The following PLXDC2 variants were observed in gnomAD, a reference collection of about 807,000 sequenced individuals.
PLXDC2 encodes plexin domain containing 2, also known as plexin domain-containing protein 2.
PLXDC2 carries 40 observed loss-of-function variants against 68.9 expected under a neutral mutation model. The observed-to-expected ratio is 0.58, with a 90% CI of 0.45 to 0.76. The LOEUF is 0.76. Among genes scored for constraint, PLXDC2 ranks in the 30% least tolerant of loss-of-function variants. PLXDC2 has a pLI of 0.00. For synonymous variants in PLXDC2, 243 were observed against 234.2 expected, an observed-to-expected ratio of 1.04 and a Z score of -0.34; for missense variants, 644 against 661.9, an observed-to-expected ratio of 0.97 and a Z score of 0.30.
At chr10:20,121,987 G>A (rs1044340782) in intron 4 of PLXDC2, among the ~76,000 whole-genome samples, 18 of 152,008 alleles carry the variant, frequency 1.2e-4, no homozygotes, top group Admixed American at 4.6e-4. Context: ...GGAGGGAGTA[G>A]AGGTATCTTA....
At chr10:20,144,773 T>C (rs1370566634) in intron 5 of PLXDC2, among the ~76,000 whole-genome samples, 1 of 152,188 alleles carries the variant, frequency 6.6e-6, no homozygotes, top group African/African-American at 2.4e-5. Context: ...CTGACTATTT[T>C]CCAAACTCCG....
chr10:20,217,642 A>G, intron 11 of PLXDC2, 66 bp downstream of exon 11: 3 of 1,454,868 alleles, frequency 2.1e-6, no homozygotes, highest in Non-Finnish European at 2.7e-6. Flanking sequence ...GGAAGGAAAA[A>G]TCACTGTGTT....
At chr10:19,985,384 T>A (rs17687627) in intron 1 of PLXDC2, among the ~76,000 whole-genome samples, 8,023 of 152,354 alleles carry the variant, frequency 0.053, 275 homozygotes, top group Middle Eastern at 0.092. Context: ...ATGCAGGAAG[T>A]TTAAATCCAC....
At chr10:20,044,207 C>CCTT in intron 2 of PLXDC2, among the ~76,000 whole-genome samples, 1 of 90,002 alleles carries the variant, frequency 1.1e-5, no homozygotes, top group South Asian at 4.6e-4. Flanking sequence ...CTCTCTCTCT[C>CCTT]TCTGTCTTTC....
At chr10:19,861,710 G>A (rs1326242) in intron 1 of PLXDC2, among the ~76,000 whole-genome samples, 98,675 of 152,042 alleles carry the variant, frequency 0.65, 33,614 homozygotes, top group African/African-American at 0.87. Context: ...CAAATGTCCA[G>A]TCTTTTTGAC....
intron 4 of PLXDC2, among the ~76,000 whole-genome samples, chr10:20,092,092 A>G (rs7474686): frequency 0.19 from 28,797 of 152,184 alleles, 3,323 homozygotes; most frequent in East Asian, 0.29. Context: ...GGAACTGAAC[A>G]TATGGACAAT....
intron 11 of PLXDC2, 145 bp from the exon 12 acceptor site, chr10:20,218,919 A>G (rs1835174779): frequency 2.4e-6 from 2 of 827,360 alleles, no homozygotes; most frequent in African/African-American, 3.6e-5. Context: ...ACTTGCTCTC[A>G]TTGCACTAGA....
intron 2 of PLXDC2, among the ~76,000 whole-genome samples, chr10:20,020,178 A>ATTTTTTTTTTTTTTTTTTTTTTTTTTTT (rs71388889): frequency 1.9e-5 from 2 of 107,354 alleles, no homozygotes; most frequent in African/African-American, 8.3e-5. Flanking sequence ...CACCCAGCAA[A>ATTTTTTTTTTTTTTTTTTTTTTTTTTTT]TTTTTTTTTT....
At chr10:20,144,856 G>A (rs1262342140) in intron 5 of PLXDC2, among the ~76,000 whole-genome samples, 2 of 152,104 alleles carry the variant, frequency 1.3e-5, no homozygotes, top group Non-Finnish European at 2.9e-5. Context: ...TTATACTGTT[G>A]CTATCAAAAT....
At chr10:19,902,790 G>C (rs1838180815) in intron 1 of PLXDC2, among the ~76,000 whole-genome samples, 1 of 152,118 alleles carries the variant, frequency 6.6e-6, no homozygotes, top group Non-Finnish European at 1.5e-5. Context: ...ACTTTTCCCT[G>C]TTCAGTACAA....
At chr10:19,855,030 T>G (rs1837187460) in intron 1 of PLXDC2, among the ~76,000 whole-genome samples, 1 of 152,236 alleles carries the variant, frequency 6.6e-6, no homozygotes, top group South Asian at 2.1e-4. Context: ...TAGATTCAAC[T>G]GTGATGGGAC....
chr10:19,986,868 G>A (rs1174981590), intron 1 of PLXDC2, among the ~76,000 whole-genome samples: 1 of 152,198 alleles, frequency 6.6e-6, no homozygotes, highest in African/African-American at 2.4e-5. Flanking sequence ...TAGAAGAGAT[G>A]CAGGATTATT....
chr10:20,158,673 G>GTAAATAAATAAA (rs34641917), intron 6 of PLXDC2, among the ~76,000 whole-genome samples: 2,654 of 148,472 alleles, frequency 0.018, 39 homozygotes, highest in South Asian at 0.038. Context: ...AAATAAATAA[G>GTAAATAAATAAA]TAAATAAATA....
At chr10:19,871,405 A>T (rs1837531548) in intron 1 of PLXDC2, among the ~76,000 whole-genome samples, 1 of 152,186 alleles carries the variant, frequency 6.6e-6, no homozygotes, top group South Asian at 2.1e-4. Flanking sequence ...TTAGTGCCAA[A>T]TTGTATCACA....
rs1237217924 is a variant in PLXDC2 at position 20,163,063 on chromosome 10, AAAAT to A, written c.784-1401_784-1398del. On this transcript the variant is annotated intron_variant, in intron 6 of 13. Coordinates refer to ENST00000377252, the MANE Select transcript of PLXDC2 (RefSeq NM_032812.9). ...TGGAGTGAGACTGTCCCAAAAATAAAAAATAAAAAATAAAGTATATCAGACTTGG... is the reference window on the plus strand; with the variant it reads ...TGGAGTGAGACTGTCCCAAAAATAAAAAAAAATAAAGTATATCAGACTTGG... 2.6e-5 allele frequency among the ~76,000 whole-genome samples: 4 copies of A among 152,150 alleles called. 1 individual carries two copies. The highest frequency in any genetic ancestry group is 9.7e-5 in the African/African-American group (4 of 41,426).
At chr10:20,159,263 C>T (rs1367538415) in intron 6 of PLXDC2, among the ~76,000 whole-genome samples, 1 of 152,164 alleles carries the variant, frequency 6.6e-6, no homozygotes, top group Non-Finnish European at 1.5e-5. Context: ...TGGAGTTGTA[C>T]AACCTATAAC....
intron 1 of PLXDC2, among the ~76,000 whole-genome samples, chr10:19,837,201 C>T (rs1836809637): frequency 6.6e-6 from 1 of 151,242 alleles, no homozygotes; most frequent in Admixed American, 6.6e-5. Flanking sequence ...AGACATTCCT[C>T]ACCAGGTTGA....
intron 6 of PLXDC2, among the ~76,000 whole-genome samples, chr10:20,151,977 A>G (rs533595754): frequency 1.9e-4 from 29 of 152,132 alleles, no homozygotes; most frequent in Non-Finnish European, 3.5e-4. Flanking sequence ...AATTTTAATT[A>G]CCATTAAATT....
In PLXDC2 at chr10:20,219,111, T is replaced by A; in HGVS notation, c.1312+9T>A. The A allele has an allele frequency of 1.2e-6, 2 of 1,601,610 alleles. No homozygotes were observed. Among genetic ancestry groups the A allele is most frequent in the Non-Finnish European group, 1.7e-6 (2 of 1,173,878 alleles). On this transcript the variant is annotated intron_variant, in intron 12 of 13. Transcript: ENST00000377252. ...TCTAAAAGATAATGGAGGTAGGAAT[T>A]GATACTTTTCTTTCATAAACATCTT...
Sources: allele counts gnomAD v4.1 joint callset (sites outside exome capture counted in the v4.1 genomes callset), GRCh38; gene constraint gnomAD v4.1.1; transcripts MANE v1.5; gene names NCBI Gene and HGNC (gene_info 2026-07-23, HGNC 2026-07-21).